Variants in TMEM71 observed in about 807,000 individuals in gnomAD.
TMEM71 encodes transmembrane protein 71.
Under a neutral mutation model 38.0 loss-of-function variants are expected in TMEM71, and 44 were observed. The observed-to-expected ratio is 1.16, with a 90% CI of 0.91 to 1.49. The LOEUF (loss-of-function observed/expected upper bound fraction) is 1.49. TMEM71 is among the 40% of genes most tolerant of loss of function. The pLI is 0.00. For missense variants in TMEM71, 367 were observed against 348.6 expected, an observed-to-expected ratio of 1.05 and a Z score of -0.42; for synonymous variants, 133 against 122.5, an observed-to-expected ratio of 1.09 and a Z score of -0.56.
At chr8:132,728,251 T>C (rs1433442318) in intron 5 of TMEM71, among the ~76,000 whole-genome samples, 1 of 152,276 alleles carries the variant, frequency 6.6e-6, no homozygotes, top group African/African-American at 2.4e-5. Flanking sequence ...GGACTCACAG[T>C]TCCACATGGC....
chr8:132,762,015 G>C (rs571677271), upstream of TMEM71, among the ~76,000 whole-genome samples: 11 of 152,204 alleles, frequency 7.2e-5, no homozygotes, highest in African/African-American at 2.4e-4. Flanking sequence ...GACAACCCAG[G>C]CTAGCCCTGC....
chr8:132,719,652 C>T (rs976597346), intron 7 of TMEM71, among the ~76,000 whole-genome samples: 11 of 152,150 alleles, frequency 7.2e-5, no homozygotes, highest in Admixed American at 2.0e-4. Context: ...CTCTTGCCCA[C>T]GTCTATACAG....
At position 132,723,965 on chromosome 8, in the gene TMEM71, G is replaced by A. The variant is rs140508093; in HGVS notation, c.677-1850C>T. Among the ~76,000 whole-genome samples, 1,084 of 152,216 alleles carry A rather than the reference G, an allele frequency of 7.1e-3. 16 individuals carry two copies. The highest frequency in any genetic ancestry group is 0.025 in the African/African-American group (1,046 of 41,522). On this transcript the variant is annotated intron_variant, in intron 6 of 9. Transcript: ENST00000677595. ...GCTGCCGGGGGTGACATCACATACT[G>A]GTAGGACTGTGATGCCCACCTGAGC...
At chr8:132,739,335 G>A (rs1827915843) in intron 5 of TMEM71, among the ~76,000 whole-genome samples, 1 of 151,890 alleles carries the variant, frequency 6.6e-6, no homozygotes, top group African/African-American at 2.4e-5. Context: ...TTTTTGAGAT[G>A]GAGTCTCGCT....
chr8:132,741,337 G>C (rs997761536), intron 5 of TMEM71, among the ~76,000 whole-genome samples: 1 of 152,140 alleles, frequency 6.6e-6, no homozygotes, highest in Non-Finnish European at 1.5e-5. Context: ...GGGTCGGTGG[G>C]TCTCTCCCCA....
chr8:132,736,755 C>A (rs1827769427), intron 5 of TMEM71, among the ~76,000 whole-genome samples: 1 of 151,954 alleles, frequency 6.6e-6, no homozygotes, highest in South Asian at 2.1e-4. Flanking sequence ...TGCTTGAGCC[C>A]ACGAGGTGGA....
chr8:132,750,817 T>G (rs1010730031), intron 4 of TMEM71, among the ~76,000 whole-genome samples: 1 of 152,200 alleles, frequency 6.6e-6, no homozygotes, highest in Non-Finnish European at 1.5e-5. Flanking sequence ...CTACCATACA[T>G]CCAGTTGACA....
At chr8:132,730,245 A>G (rs972774216) in intron 5 of TMEM71, among the ~76,000 whole-genome samples, 3 of 152,182 alleles carry the variant, frequency 2.0e-5, no homozygotes, top group African/African-American at 7.2e-5. Context: ...GGCATGAGTC[A>G]CCATGCCTGG....
At chr8:132,707,878 T>C (rs547423329), downstream of TMEM71, among the ~76,000 whole-genome samples, 2 of 152,274 alleles carry the variant, frequency 1.3e-5, no homozygotes, top group South Asian at 4.1e-4. Context: ...GAATGGTGCC[T>C]ACATAAACAT....
intron 3 of TMEM71, among the ~76,000 whole-genome samples, chr8:132,755,857 A>G (rs1041480320): frequency 7.2e-5 from 11 of 152,200 alleles, no homozygotes; most frequent in African/African-American, 2.7e-4. Flanking sequence ...AAGTATCATT[A>G]TCCTCATCAT....
intron 3 of TMEM71, among the ~76,000 whole-genome samples, chr8:132,756,520 A>C (rs1829030180): frequency 1.4e-5 from 2 of 147,872 alleles, no homozygotes; most frequent in Admixed American, 6.8e-5. Flanking sequence ...ACTAGATGAT[A>C]GCTAAAATAA....
intron 6 of TMEM71, among the ~76,000 whole-genome samples, chr8:132,727,474 T>G (rs1827209951): frequency 6.6e-6 from 1 of 152,120 alleles, no homozygotes; most frequent in African/African-American, 2.4e-5. Flanking sequence ...GCCAGGATGG[T>G]CTTGATCTCC....
intron 7 of TMEM71, among the ~76,000 whole-genome samples, chr8:132,718,206 G>A (rs1239018056): frequency 6.6e-6 from 1 of 151,468 alleles, no homozygotes; most frequent in Non-Finnish European, 1.5e-5. Context: ...AACCACTAAA[G>A]GTGCACTTAA....
chr8:132,762,081 C>T (rs559638297), upstream of TMEM71, among the ~76,000 whole-genome samples: 3 of 152,342 alleles, frequency 2.0e-5, no homozygotes, highest in African/African-American at 2.4e-5. Context: ...CAAGCCACCA[C>T]GTTTTGAGGT....
chr8:132,740,869 C>G (rs1012095624), intron 5 of TMEM71, among the ~76,000 whole-genome samples: 22 of 152,180 alleles, frequency 1.4e-4, no homozygotes, highest in Admixed American at 3.9e-4. Flanking sequence ...TTATTCTGCA[C>G]TGAGCCTGAA....
At chr8:132,759,717 G>A (rs528517891) in intron 1 of TMEM71, among the ~76,000 whole-genome samples, 7 of 152,202 alleles carry the variant, frequency 4.6e-5, no homozygotes, top group Admixed American at 1.3e-4. Context: ...GCCACATTTT[G>A]TAACATGAGA....
intron 7 of TMEM71, among the ~76,000 whole-genome samples, chr8:132,716,601 T>C (rs1809140104): frequency 6.6e-6 from 1 of 152,170 alleles, no homozygotes; most frequent in Admixed American, 6.5e-5. Flanking sequence ...AGGATATACA[T>C]ACGGTATATG....
chr8:132,732,823 C>A (rs1827533193), intron 5 of TMEM71, among the ~76,000 whole-genome samples: 1 of 152,090 alleles, frequency 6.6e-6, no homozygotes, highest in African/African-American at 2.4e-5. Context: ...GTGTTACGGG[C>A]ATCTACTGAA....
At chr8:132,715,316 A>T (rs1826454656) in intron 7 of TMEM71, among the ~76,000 whole-genome samples, 1 of 148,352 alleles carries the variant, frequency 6.7e-6, no homozygotes, top group Non-Finnish European at 1.5e-5. Context: ...AGGCTGAGGC[A>T]GGAGAATGGC....
Sources: allele counts gnomAD v4.1 joint callset (sites outside exome capture counted in the v4.1 genomes callset), GRCh38; gene constraint gnomAD v4.1.1; transcripts MANE v1.5; gene names NCBI Gene and HGNC (gene_info 2026-07-23, HGNC 2026-07-21).